TRIM62: variants seen among roughly 807,000 people sequenced by gnomAD.
TRIM62 encodes E3 ubiquitin-protein ligase TRIM62.
Under a neutral mutation model 44.2 loss-of-function variants are expected in TRIM62, and 39 were observed. The observed-to-expected ratio is 0.88, with a 90% confidence interval of 0.68 to 1.15. TRIM62 has a LOEUF of 1.15. Among genes scored for constraint, TRIM62 ranks in the 50% most tolerant of loss-of-function variants. TRIM62 has a pLI of 0.00. For synonymous variants in TRIM62, 278 were observed against 292.3 expected, an observed-to-expected ratio of 0.95 and a Z score of 0.50; for missense variants, 544 against 665.5, an observed-to-expected ratio of 0.82 and a Z score of 2.01.
At chr1:33,153,806 CAG>C (rs1187325022) in intron 4 of TRIM62, among the ~76,000 whole-genome samples, 2 of 152,206 alleles carry the variant, frequency 1.3e-5, no homozygotes, top group Non-Finnish European at 2.9e-5. Flanking sequence ...ATTCTAGAAA[CAG>C]AACTGAGACT....
rs1043996075 is a variant in TRIM62 at position 33,161,160 on chromosome 1, C to T, written c.505-1216G>A. ...GGGTGTTGTTGTGCGCACTCCAAGG[C>T]GCAGAGAAAGAGCCTGGTTATTGAA... On this transcript the variant is annotated intron_variant, in intron 2 of 4. Transcript: ENST00000291416. The surrounding 1 kb of genome is among the most constrained non-coding windows in gnomAD (Gnocchi z 4.3). Among the ~76,000 whole-genome samples, 4 of 152,186 alleles carry T rather than the reference C, an allele frequency of 2.6e-5. No individual in the cohort carries two copies. The highest frequency in any genetic ancestry group is 1.9e-4 in the East Asian group (1 of 5,204).
At chr1:33,154,259 A>G (rs607997) in intron 4 of TRIM62, among the ~76,000 whole-genome samples, 150,729 of 152,240 alleles carry the variant, frequency 0.99, 74,635 homozygotes, top group Middle Eastern at 1. Flanking sequence ...AAGTGCATCC[A>G]AGGCTCCGAT....
At chr1:33,172,317 C>T (rs1252765160) in intron 1 of TRIM62, among the ~76,000 whole-genome samples, 1 of 152,158 alleles carries the variant, frequency 6.6e-6, no homozygotes, top group Non-Finnish European at 1.5e-5. Context: ...TCCTTCAAGT[C>T]TCCAGGATGG....
At chr1:33,164,694 G>A (rs913389204) in intron 2 of TRIM62, 3 of 152,276 alleles carry the variant, frequency 2.0e-5, no homozygotes, top group Non-Finnish European at 4.4e-5. Context: ...AAGGGGAGAT[G>A]ATACCAGGGC....
At chr1:33,171,568 C>A (rs1038664534) in intron 1 of TRIM62, among the ~76,000 whole-genome samples, 9 of 152,146 alleles carry the variant, frequency 5.9e-5, no homozygotes, top group African/African-American at 1.9e-4. Flanking sequence ...GAGTGTCAGG[C>A]TTTGTGCTGG....
At chr1:33,158,574 T>TGCTA (rs1030524805) in intron 3 of TRIM62, among the ~76,000 whole-genome samples, 24 of 152,238 alleles carry the variant, frequency 1.6e-4, no homozygotes, top group African/African-American at 5.8e-4. Flanking sequence ...ATGGGTGCTA[T>TGCTA]GCTAGCATCA....
chr1:33,158,477 T>C, intron 3 of TRIM62, 109 bp from the exon 4 acceptor site: 1 of 802,232 alleles, frequency 1.2e-6, no homozygotes, highest in Non-Finnish European at 2.1e-6. Flanking sequence ...TGGTCATGAG[T>C]GAGAAGTCTG....
rs796739449 is a variant in TRIM62 at position 33,177,093 on chromosome 1, GCACA to G, written c.408+3928_408+3931del. The stretch of plus-strand genomic sequence containing the variant: ...CACACACACACATGCATGCACAAAT[GCACA>G]CACATGCACACACACATGCATGTAC... On this transcript the variant is annotated intron_variant, in intron 1 of 4. Transcript: ENST00000291416. The surrounding 1 kb of genome is among the most constrained non-coding windows in gnomAD (Gnocchi z 4.1). Among the ~76,000 whole-genome samples, 4 of 148,936 alleles carry G rather than the reference GCACA, an allele frequency of 2.7e-5. No homozygotes were observed. In the South Asian group the frequency reaches 8.5e-4, roughly 32 times the overall value.
intron 1 of TRIM62, among the ~76,000 whole-genome samples, chr1:33,171,995 T>C (rs1020441503): frequency 6.6e-6 from 1 of 152,158 alleles, no homozygotes; most frequent in Non-Finnish European, 1.5e-5. Flanking sequence ...TTGGTCAGGC[T>C]GGTCTTGAAC....
At position 33,146,116 on chromosome 1, in the gene TRIM62, C is replaced by T. The variant is rs919483444; in HGVS notation, c.*1061G>A. 9 of 264,746 alleles carry T rather than the reference C, an allele frequency of 3.4e-5. No homozygotes were observed. The highest frequency in any genetic ancestry group is 1.1e-4 in the East Asian group (1 of 8,808). 16.4% of individuals were successfully genotyped at this position (264,746 alleles called of 1,614,324 possible). ...GTCACAACAGACATGATGAATCTGG[C>T]GCTGGGAGTTCCTGGAAATTCAGCA... On this transcript the variant is annotated 3_prime_UTR_variant, in exon 5 of 5. Transcript: ENST00000291416.
intron 3 of TRIM62, among the ~76,000 whole-genome samples, chr1:33,158,656 T>C (rs949270552): frequency 6.6e-6 from 1 of 152,166 alleles, no homozygotes; most frequent in Non-Finnish European, 1.5e-5. Flanking sequence ...TCGGTCACGG[T>C]CAATGCCAAA....
chr1:33,153,877 G>A (rs1191673470), intron 4 of TRIM62, among the ~76,000 whole-genome samples: 1 of 152,222 alleles, frequency 6.6e-6, no homozygotes, highest in East Asian at 1.9e-4. Flanking sequence ...TAGCTGCTGG[G>A]AGTGAATCAG....
intron 1 of TRIM62, among the ~76,000 whole-genome samples, chr1:33,168,697 CAG>C (rs1279672302): frequency 6.6e-6 from 1 of 152,238 alleles, no homozygotes; most frequent in Non-Finnish European, 1.5e-5. Flanking sequence ...GTCCTCGGAG[CAG>C]AGGAATCTTG....
chr1:33,147,409 G>GCGCT lies in TRIM62; in HGVS notation c.1192_1195dup (p.Ala399GlufsTer11). ...AAGCCGCGTCCAGGGCTCCGTGCAG[G>GCGCT]CGCTGTACTGGTTGCCATCGTGCAT... On this transcript the variant is annotated frameshift_variant, in exon 5 of 5. Coordinates refer to ENST00000291416, the MANE Select transcript of TRIM62 (RefSeq NM_018207.3). LOFTEE classifies it high-confidence loss of function. This position sits in a 1 kb window ranked among gnomAD's most constrained non-coding sequence, Gnocchi z 8.1. 1 of 1,614,152 alleles carries GCGCT rather than the reference G, an allele frequency of 6.2e-7. No individual in the cohort carries two copies.
intron 4 of TRIM62, among the ~76,000 whole-genome samples, chr1:33,153,251 G>C (rs1645128148): frequency 6.6e-6 from 1 of 152,158 alleles, no homozygotes; most frequent in African/African-American, 2.4e-5. Context: ...GACTTCACAG[G>C]CCCCACAGAC....
rs185601219 is a variant in TRIM62 at position 33,168,707 on chromosome 1, T to C, written c.409-3141A>G. On this transcript the variant is annotated intron_variant, in intron 1 of 4. Coordinates refer to ENST00000291416, the MANE Select transcript of TRIM62 (RefSeq NM_018207.3). ...ATACAGTCCTCGGAGCAGAGGAATC[T>C]TGTTTGCCTAAGAGAGTAGAAAGAC... Among the ~76,000 whole-genome samples, 363 of 152,344 alleles carry C rather than the reference T, an allele frequency of 2.4e-3. 1 individual carries two copies. Among genetic ancestry groups the C allele is most frequent in the African/African-American group, 7.2e-3 (301 of 41,574 alleles).
At chr1:33,171,716 A>C (rs1315432969) in intron 1 of TRIM62, among the ~76,000 whole-genome samples, 1 of 152,192 alleles carries the variant, frequency 6.6e-6, no homozygotes, top group African/African-American at 2.4e-5. Flanking sequence ...AGCTGACAAC[A>C]CCTGGCTGTG....
chr1:33,161,342 A>G lies in TRIM62; in HGVS notation c.505-1398T>C, dbSNP rs142187090. ...TTAACGTCAGGACGACACGGGCTAT[A>G]GAAGTGCGGCCAGGCTGCAGCAGCA... On this transcript the variant is annotated intron_variant, in intron 2 of 4. Coordinates refer to ENST00000291416, the MANE Select transcript of TRIM62 (RefSeq NM_018207.3). This position sits in a 1 kb window ranked among gnomAD's most constrained non-coding sequence, Gnocchi z 4.3. 1.3e-5 allele frequency among the ~76,000 whole-genome samples: 2 copies of G among 152,308 alleles called. No homozygotes were observed. The highest frequency in any genetic ancestry group is 3.9e-4 in the East Asian group (2 of 5,172).
At chr1:33,151,641 C>T (rs1400606890) in intron 4 of TRIM62, among the ~76,000 whole-genome samples, 1 of 152,156 alleles carries the variant, frequency 6.6e-6, no homozygotes, top group Non-Finnish European at 1.5e-5. Flanking sequence ...CAGGTCAGAG[C>T]TCATTTCTAA....
Sources: gnomAD v4.1 joint callset for allele counts (sites outside exome capture counted in the v4.1 genomes callset) on GRCh38, gnomAD v4.1.1 for gene constraint, Gnocchi (gnomAD v3.1) non-coding constraint, MANE v1.5 for transcripts, NCBI Gene and HGNC (gene_info 2026-07-23, HGNC 2026-07-21) for gene names.